MRPS35: variants seen among roughly 807,000 people sequenced by gnomAD.
MRPS35 encodes the protein mitochondrial ribosomal protein S35, also known as small ribosomal subunit protein mS35.
MRPS35 carries 29 observed loss-of-function variants against 32.7 expected under a neutral mutation model. The observed-to-expected ratio is 0.89, with a 90% CI of 0.66 to 1.21. MRPS35 has a LOEUF of 1.21. Among genes scored for constraint, MRPS35 ranks in the 50% most tolerant of loss-of-function variants. The pLI is 0.00. For missense variants in MRPS35, 373 were observed against 383.8 expected (o/e 0.97, Z 0.23); for synonymous variants, 148 against 139.3 (o/e 1.06, Z -0.44).
intron 7 of MRPS35, among the ~76,000 whole-genome samples, chr12:27,746,891 T>C (rs2061983451): frequency 6.6e-6 from 1 of 152,178 alleles, no homozygotes; most frequent in Admixed American, 6.5e-5. Flanking sequence ...TAGTATAAGT[T>C]TTCATCATCA....
intron 7 of MRPS35, among the ~76,000 whole-genome samples, chr12:27,744,862 A>T (rs2061976706): frequency 8.7e-6 from 1 of 115,480 alleles, no homozygotes; most frequent in Non-Finnish European, 1.9e-5. Context: ...TCTGTCTCTG[A>T]CTTTGTTTTT....
intron 7 of MRPS35, among the ~76,000 whole-genome samples, chr12:27,742,022 G>A (rs2061966020): frequency 6.6e-6 from 1 of 152,152 alleles, no homozygotes; most frequent in African/African-American, 2.4e-5. Flanking sequence ...CAGTTTCTCT[G>A]GAGGCTGGGG....
chr12:27,745,552 A>G (rs1408514632), intron 7 of MRPS35, among the ~76,000 whole-genome samples: 1 of 151,502 alleles, frequency 6.6e-6, no homozygotes, highest in African/African-American at 2.4e-5. Flanking sequence ...GGGTTGTATC[A>G]GTGCCACCTG....
intron 5 of MRPS35, among the ~76,000 whole-genome samples, chr12:27,731,897 A>G (rs2061923524): frequency 6.6e-6 from 1 of 152,156 alleles, no homozygotes; most frequent in Non-Finnish European, 1.5e-5. Context: ...TGAATTATGA[A>G]GCTTTCCAAT....
intron 7 of MRPS35, among the ~76,000 whole-genome samples, chr12:27,739,021 C>G (rs1004486390): frequency 1.3e-5 from 2 of 151,674 alleles, no homozygotes; most frequent in Non-Finnish European, 2.9e-5. Context: ...TTATTCTTCC[C>G]GAGTAGCCAG....
At chr12:27,746,893 T>C (rs995651602) in intron 7 of MRPS35, among the ~76,000 whole-genome samples, 1 of 152,204 alleles carries the variant, frequency 6.6e-6, no homozygotes, top group Non-Finnish European at 1.5e-5. Context: ...GTATAAGTTT[T>C]CATCATCATT....
rs1376856258 is a variant in MRPS35, at chr12:27,716,461, A to G, written c.321+3A>G. On this transcript the variant is annotated splice_donor_region_variant and intron_variant, in intron 3 of 7. Transcript: ENST00000081029. ...AGGGAAATCTAGAACTTTTAAAGGT[A>G]AGACAAATTGCTGATTCATTGGCTC... The G allele has an allele frequency of 1.2e-6, 2 of 1,613,998 alleles. No homozygotes were observed. Among genetic ancestry groups the G allele is most frequent in the East Asian group, 2.2e-5 (1 of 44,884 alleles).
intron 5 of MRPS35, among the ~76,000 whole-genome samples, chr12:27,733,203 C>A (rs1211991593): frequency 1.3e-5 from 2 of 151,904 alleles, no homozygotes; most frequent in Non-Finnish European, 2.9e-5. Context: ...AAAGTATTAG[C>A]CCAGATTAAA....
At chr12:27,751,568 C>T (rs770571613) in intron 7 of MRPS35, among the ~76,000 whole-genome samples, 6 of 152,180 alleles carry the variant, frequency 3.9e-5, no homozygotes, top group African/African-American at 7.2e-5. Context: ...CCCATGCCTG[C>T]GGCTTCCCAG....
Position 27,755,493 on chromosome 12 carries a change from T to C in MRPS35, c.*43T>C. The C allele has an allele frequency of 6.9e-7, 1 of 1,452,442 alleles. No homozygotes were observed. Among genetic ancestry groups the C allele is most frequent in the Non-Finnish European group, 9.2e-7 (1 of 1,089,470 alleles). The allele number at this position is 1,452,442 out of a possible 1,614,324, so 90.0% of individuals were successfully genotyped here. On this transcript the variant is annotated 3_prime_UTR_variant, in exon 8 of 8. Transcript: ENST00000081029. ...TCTGCTTGATTTATTAATTTTATGA[T>C]ATATGTGATCAGTATCTAATTTGAT...
rs150627518 is a variant in MRPS35 at position 27,715,600 on chromosome 12, G to T, written c.154-691G>T. On this transcript the variant is annotated intron_variant, in intron 2 of 7. Coordinates refer to ENST00000081029, the MANE Select transcript of MRPS35 (RefSeq NM_021821.4). Reference sequence around the variant, plus strand: ...AGACACATTAGTTGGAAGTTAAATGGTATCAAATTACAATCATTAAGAGCA... The same window carrying T: ...AGACACATTAGTTGGAAGTTAAATGTTATCAAATTACAATCATTAAGAGCA... Among the ~76,000 whole-genome samples, 132 of 152,306 alleles carry T rather than the reference G, an allele frequency of 8.7e-4. 1 individual carries two copies. Among genetic ancestry groups the T allele is most frequent in the African/African-American group, 3.1e-3 (127 of 41,568 alleles).
At chr12:27,716,487 A>C in intron 3 of MRPS35, 29 bp downstream of exon 3, 1 of 1,610,992 alleles carries the variant, frequency 6.2e-7, no homozygotes, top group Non-Finnish European at 8.5e-7. Flanking sequence ...TCATTGGCTC[A>C]GACTTACATA....
chr12:27,742,231 T>C (rs1398371056), intron 7 of MRPS35, among the ~76,000 whole-genome samples: 1 of 152,256 alleles, frequency 6.6e-6, no homozygotes, highest in African/African-American at 2.4e-5. Flanking sequence ...GTCGGATTTA[T>C]GAGTTCATTT....
chr12:27,715,740 G>T (rs1018784310), intron 2 of MRPS35, among the ~76,000 whole-genome samples: 2 of 152,152 alleles, frequency 1.3e-5, no homozygotes, highest in African/African-American at 4.8e-5. Flanking sequence ...TTGTATGTGG[G>T]CCATCCCCTC....
intron 1 of MRPS35, among the ~76,000 whole-genome samples, chr12:27,714,542 C>T (rs1352529533): frequency 4.0e-5 from 6 of 150,396 alleles, no homozygotes; most frequent in African/African-American, 1.5e-4. Context: ...GCCGAGATCA[C>T]ACCACTGCAA....
chr12:27,750,838 C>T (rs190451091), intron 7 of MRPS35, among the ~76,000 whole-genome samples: 1 of 152,168 alleles, frequency 6.6e-6, no homozygotes, highest in East Asian at 1.9e-4. Context: ...TGCAGTGGCT[C>T]ATGCCTGTAA....
chr12:27,714,749 CTTT>C, intron 1 of MRPS35, 28 bp from the exon 2 acceptor site: 1 of 1,560,274 alleles, frequency 6.4e-7, no homozygotes, highest in Non-Finnish European at 8.8e-7. Flanking sequence ...ATAAAATTCT[CTTT>C]AACTACTGTG....
intron 7 of MRPS35, among the ~76,000 whole-genome samples, chr12:27,745,714 T>TC (rs1440839097): frequency 1.3e-5 from 2 of 151,942 alleles, no homozygotes; most frequent in Non-Finnish European, 2.9e-5. Flanking sequence ...TGCTATCCCT[T>TC]CCCCCTGCCC....
intron 6 of MRPS35, 95 bp downstream of exon 6, chr12:27,735,651 TG>T (rs1470962144): frequency 1.1e-6 from 1 of 875,898 alleles, no homozygotes; most frequent in African/African-American, 1.7e-5. Flanking sequence ...ATATTGAAGA[TG>T]GGGGAGGGCG....
Sources: gnomAD v4.1 joint callset for allele counts (sites outside exome capture counted in the v4.1 genomes callset) on GRCh38, gnomAD v4.1.1 for gene constraint, MANE v1.5 for transcripts, NCBI Gene and HGNC (gene_info 2026-07-23, HGNC 2026-07-21) for gene names.